The following NTSR1 variants were observed in gnomAD, a reference collection of about 807,000 sequenced individuals.
NTSR1 encodes neurotensin receptor 1.
NTSR1 carries 29 observed loss-of-function variants against 31.2 expected under a neutral mutation model. The observed-to-expected ratio is 0.93, with a 90% CI of 0.69 to 1.27. The LOEUF (loss-of-function observed/expected upper bound fraction) is 1.27, where lower values mean the gene tolerates loss of function less well. NTSR1 is among the 50% of genes most tolerant of loss of function. The pLI, the probability that NTSR1 is intolerant of heterozygous loss-of-function variation, is 0.00. For synonymous variants in NTSR1, 282 were observed against 269.9 expected (o/e 1.04, Z -0.44); for missense variants, 697 against 595.4 (o/e 1.17, Z -1.78).
Position 62,760,428 on chromosome 20 carries a change from T to C in NTSR1, c.*161T>C. On this transcript the variant is annotated 3_prime_UTR_variant, in exon 4 of 4. Coordinates refer to ENST00000370501, the MANE Select transcript of NTSR1 (RefSeq NM_002531.3). ...CCCCCCCCTCCCACCCCCTAACCCA[T>C]GTTTCTCATTAGTGTCTCCCGGGCC... The C allele has an allele frequency of 1.8e-6, 1 of 545,546 alleles. No individual in the cohort carries two copies. The highest frequency in any genetic ancestry group is 2.2e-5 in the South Asian group (1 of 44,870). 33.8% of individuals were successfully genotyped at this position (545,546 alleles called of 1,614,324 possible). A position where few individuals can be genotyped will look rare whatever the true frequency, so the allele number is the denominator to read the frequency against.
Position 62,760,182 on chromosome 20 carries a change from A to G in NTSR1, c.1172A>G (p.Lys391Arg). The G allele has an allele frequency of 6.2e-7, 1 of 1,614,058 alleles. No homozygotes were observed. The highest frequency in any genetic ancestry group is 8.5e-7 in the Non-Finnish European group (1 of 1,180,012). The change falls in exon 4 of 4, where the codon AAG becomes AGG. Residue 391 changes from lysine (K) to arginine (R), a missense_variant. Physicochemically the swap from Lys to Arg is conservative, Grantham distance 26. Transcript: ENST00000370501. Reference sequence around the variant, plus strand: ...TGCCCGGTGTGGCGGCGCAGGAGGAAGAGGCCAGCCTTCTCGAGGAAGGCC... The same window carrying G: ...TGCCCGGTGTGGCGGCGCAGGAGGAGGAGGCCAGCCTTCTCGAGGAAGGCC... ...CLCPVWRRRR[K>R]RPAFSRKADS...
chr20:62,739,726 G>A (rs113483497), intron 1 of NTSR1, among the ~76,000 whole-genome samples: 5,981 of 152,368 alleles, frequency 0.039, 220 homozygotes, highest in South Asian at 0.1. Context: ...TTGCCAGGGC[G>A]TGGCCACTAG....
intron 2 of NTSR1, among the ~76,000 whole-genome samples, chr20:62,755,643 CCATCCCTGCCTT>C (rs376984462): frequency 9.3e-5 from 2 of 21,584 alleles, no homozygotes; most frequent in Non-Finnish European, 2.0e-4. Context: ...CTCCCTCCCT[CCATCCCTGCCTT>C]CATCCATCCT....
chr20:62,725,322 C>T (rs1988887815), intron 1 of NTSR1, among the ~76,000 whole-genome samples: 1 of 152,258 alleles, frequency 6.6e-6, no homozygotes, highest in African/African-American at 2.4e-5. Context: ...GTAGGAGTGA[C>T]CTTTCACAGC....
intron 1 of NTSR1, among the ~76,000 whole-genome samples, chr20:62,710,896 G>A (rs1988597254): frequency 6.6e-6 from 1 of 152,208 alleles, no homozygotes; most frequent in African/African-American, 2.4e-5. Flanking sequence ...GGAAGCCAGA[G>A]GGTGAAGGAT....
intron 1 of NTSR1, among the ~76,000 whole-genome samples, chr20:62,754,402 C>T (rs529166636): frequency 2.6e-5 from 4 of 152,306 alleles, no homozygotes; most frequent in African/African-American, 9.6e-5. Context: ...TTGCTGTGTA[C>T]AGGCGGGACC....
rs758983246 is a variant in NTSR1 at position 62,711,966 on chromosome 20, C to A, written c.714+2045C>A. Among the ~76,000 whole-genome samples the A allele has an allele frequency of 6.6e-6, 1 of 152,246 alleles. No individual in the cohort carries two copies. The highest frequency in any genetic ancestry group is 1.5e-5 in the Non-Finnish European group (1 of 68,042). ...CAGACGCCATGCTGGCCGAGCGTTG[C>A]TGAAGGCACCCTTGGAGAACGTAGT... is the stretch of plus-strand genomic sequence containing the variant. On this transcript the variant is annotated intron_variant, in intron 1 of 3. Transcript: ENST00000370501. This position sits in a 1 kb window ranked among gnomAD's most constrained non-coding sequence, Gnocchi z 6.4.
intron 1 of NTSR1, among the ~76,000 whole-genome samples, chr20:62,718,963 C>G (rs1988783156): frequency 1.3e-5 from 2 of 152,086 alleles, no homozygotes; most frequent in Admixed American, 1.3e-4. Flanking sequence ...TTGAACGTCC[C>G]TCACCCTAGC....
At position 62,754,667 on chromosome 20, in the gene NTSR1, G is replaced by A. The variant is rs145976257; in HGVS notation, c.715-18G>A. The stretch of plus-strand genomic sequence containing the variant: ...TCCCGCTGCTGGCTCTGACAGCCTC[G>A]CCCTTCCTCTCCTGCAGGTCAACAC... On this transcript the variant is annotated intron_variant, in intron 1 of 3. Coordinates refer to ENST00000370501, the MANE Select transcript of NTSR1 (RefSeq NM_002531.3). The A allele has an allele frequency of 6.2e-4, 989 of 1,606,658 alleles. 5 individuals are homozygous for A. In the Middle Eastern group the frequency reaches 6.9e-3, roughly 11 times the overall value.
chr20:62,717,284 C>T (rs1389733065), intron 1 of NTSR1, among the ~76,000 whole-genome samples: 1 of 152,244 alleles, frequency 6.6e-6, no homozygotes, highest in Non-Finnish European at 1.5e-5. Flanking sequence ...TTTTACATCC[C>T]TGTGCACCTG....
chr20:62,721,624 G>A lies in NTSR1; in HGVS notation c.714+11703G>A, dbSNP rs112059709. 3.3e-3 allele frequency among the ~76,000 whole-genome samples: 505 copies of A among 152,254 alleles called. 7 individuals carry two copies. The highest frequency in any genetic ancestry group is 0.011 in the African/African-American group (464 of 41,546). ...TCTTGGAGATCGTTTATATCACAGC[G>A]GTTTTCAAGCCCTTAACTATAATTG... On this transcript the variant is annotated intron_variant, in intron 1 of 3. Transcript: ENST00000370501.
chr20:62,744,050 C>T lies in NTSR1; in HGVS notation c.715-10635C>T, dbSNP rs1233661060. On this transcript the variant is annotated intron_variant, in intron 1 of 3. Coordinates refer to ENST00000370501, the MANE Select transcript of NTSR1 (RefSeq NM_002531.3). This position sits in a 1 kb window ranked among gnomAD's most constrained non-coding sequence, Gnocchi z 4.1. ...ATCTAACCTTTCACTCCACCTCCGTCCTCCCCATCAAAATTACACATGCGA... is the reference window on the plus strand; with the variant it reads ...ATCTAACCTTTCACTCCACCTCCGTTCTCCCCATCAAAATTACACATGCGA... Among the ~76,000 whole-genome samples the T allele has an allele frequency of 6.6e-6, 1 of 152,172 alleles. No homozygotes were observed. Among genetic ancestry groups the T allele is most frequent in the African/African-American group, 2.4e-5 (1 of 41,428 alleles).
Position 62,754,880 on chromosome 20 carries a change from G to A in NTSR1, c.910G>A (p.Val304Ile), listed in dbSNP as rs2273075. Residue 304 changes from valine (V) to isoleucine (I), a missense_variant, in exon 2 of 4, where the codon GTC (valine) becomes ATC (isoleucine). Val to Ile is a conservative substitution (Grantham distance 29, BLOSUM62 3). Coordinates refer to ENST00000370501, the MANE Select transcript of NTSR1 (RefSeq NM_002531.3). ...CCAGGCCCTGCGGCACGGCGTGCGCGTCCTACGTACGTAACCTCTGGGCCC... is the reference window on the plus strand; with the variant it reads ...CCAGGCCCTGCGGCACGGCGTGCGCATCCTACGTACGTAACCTCTGGGCCC... ...RVQALRHGVR[V>I]LRAVVIAFVV... 8.2e-3 allele frequency: 13,031 copies of A among 1,597,400 alleles called. 142 individuals are homozygous for A. Among genetic ancestry groups the A allele is most frequent in the East Asian group, 0.037 (1,638 of 44,712 alleles).
At chr20:62,739,815 G>A (rs1989170072) in intron 1 of NTSR1, among the ~76,000 whole-genome samples, 1 of 152,286 alleles carries the variant, frequency 6.6e-6, no homozygotes, top group Non-Finnish European at 1.5e-5. Context: ...TGGGGCTGGA[G>A]GTGCAGCGGC....
chr20:62,724,764 C>T (rs192986864), intron 1 of NTSR1, among the ~76,000 whole-genome samples: 4 of 152,316 alleles, frequency 2.6e-5, no homozygotes, highest in African/African-American at 9.6e-5. Flanking sequence ...CCCAGGCCCA[C>T]ACTCCGCGGA....
chr20:62,748,175 C>CA (rs34449464), intron 1 of NTSR1, among the ~76,000 whole-genome samples: 6,595 of 78,440 alleles, frequency 0.084, 235 homozygotes, highest in South Asian at 0.18. Flanking sequence ...GAATCTGTCT[C>CA]AAAAAAAAAA....
intron 1 of NTSR1, among the ~76,000 whole-genome samples, chr20:62,739,355 A>G (rs755120324): frequency 1.2e-4 from 18 of 152,302 alleles, no homozygotes; most frequent in South Asian, 4.1e-4. Flanking sequence ...CCTTTCGGCC[A>G]CTCAGGGTAG....
In NTSR1 at chr20:62,743,985, G is replaced by A. The variant is rs1286387474; in HGVS notation, c.715-10700G>A. 6.6e-6 allele frequency among the ~76,000 whole-genome samples: 1 copy of A among 152,070 alleles called. No individual in the cohort carries two copies. Among genetic ancestry groups the A allele is most frequent in the African/African-American group, 2.4e-5 (1 of 41,396 alleles). ...CTCAGACCAACCACCCAGAGGCTGCGCCCCGGTCCAGATCCCCCTAACACA... is the reference window on the plus strand; with the variant it reads ...CTCAGACCAACCACCCAGAGGCTGCACCCCGGTCCAGATCCCCCTAACACA... On this transcript the variant is annotated intron_variant, in intron 1 of 3. Transcript: ENST00000370501. This position sits in a 1 kb window ranked among gnomAD's most constrained non-coding sequence, Gnocchi z 7.5.
chr20:62,761,332 G>T lies in NTSR1; in HGVS notation c.*1065G>T, dbSNP rs977737322. 1.6e-4 allele frequency: 24 copies of T among 152,298 alleles called. No individual in the cohort carries two copies. 9.4% of individuals were successfully genotyped at this position (152,298 alleles called of 1,614,324 possible). Reference sequence around the variant, plus strand: ...CAGGCTTCAGGTGAGAAGGAGCGGTGTGTCCAGGCACCGCTGGCCGGCAGC... The same window carrying T: ...CAGGCTTCAGGTGAGAAGGAGCGGTTTGTCCAGGCACCGCTGGCCGGCAGC... On this transcript the variant is annotated 3_prime_UTR_variant, in exon 4 of 4. Coordinates refer to ENST00000370501, the MANE Select transcript of NTSR1 (RefSeq NM_002531.3).
Sources: allele counts gnomAD v4.1 joint callset (sites outside exome capture counted in the v4.1 genomes callset), GRCh38; gene constraint gnomAD v4.1.1; non-coding constraint Gnocchi (gnomAD v3.1); transcripts MANE v1.5; gene names NCBI Gene and HGNC (gene_info 2026-07-23, HGNC 2026-07-21).